Variants in TASP1 observed in about 807,000 individuals in gnomAD.
TASP1 encodes the protein taspase 1.
Under a neutral mutation model 56.6 loss-of-function variants are expected in TASP1, and 16 were observed. The observed-to-expected ratio is 0.28, with a 90% CI of 0.19 to 0.43. The LOEUF (loss-of-function observed/expected upper bound fraction) is 0.43. TASP1 is among the 20% of genes least tolerant of loss of function. The pLI, the probability that TASP1 is intolerant of heterozygous loss-of-function variation, is 1.00. For synonymous variants in TASP1, 179 were observed against 184.2 expected (o/e 0.97, Z 0.23); for missense variants, 393 against 511.6 (o/e 0.77, Z 2.24).
At chr20:13,385,083 G>C (rs1478645701), downstream of TASP1, among the ~76,000 whole-genome samples, 2 of 152,200 alleles carry the variant, frequency 1.3e-5, no homozygotes, top group African/African-American at 2.4e-5. Flanking sequence ...ATTATGTTAT[G>C]AACAGCCAGA....
the TASP1 span, among the ~76,000 whole-genome samples, chr20:13,256,534 T>G: frequency 1.3e-5 from 2 of 152,042 alleles, no homozygotes; most frequent in African/African-American, 4.8e-5. Context: ...TGTATTTTAA[T>G]AGGGGATCAT....
At chr20:13,205,705 A>G in the TASP1 span, among the ~76,000 whole-genome samples, 1 of 152,144 alleles carries the variant, frequency 6.6e-6, no homozygotes, top group Non-Finnish European at 1.5e-5. Context: ...TCCGAATGCC[A>G]TCACATTGGG....
At chr20:13,387,018 C>T (rs1025229801), downstream of TASP1, among the ~76,000 whole-genome samples, 1 of 152,002 alleles carries the variant, frequency 6.6e-6, no homozygotes, top group African/African-American at 2.4e-5. Context: ...ACCTTCCTCT[C>T]ACCCTCCACT....
At chr20:13,269,029 C>T in the TASP1 span, among the ~76,000 whole-genome samples, 3 of 152,164 alleles carry the variant, frequency 2.0e-5, no homozygotes, top group Non-Finnish European at 4.4e-5. Context: ...ACCTTGGGCG[C>T]TCAGAGTCAT....
the TASP1 span, among the ~76,000 whole-genome samples, chr20:13,221,387 C>G: frequency 6.8e-6 from 1 of 147,788 alleles, no homozygotes; most frequent in Non-Finnish European, 1.5e-5. Flanking sequence ...CGCCCCGCCG[C>G]CGACCCCGCA....
chr20:13,263,233 C>T, the TASP1 span, among the ~76,000 whole-genome samples: 2 of 152,164 alleles, frequency 1.3e-5, no homozygotes, highest in African/African-American at 4.8e-5. Context: ...ATGAGAGCAG[C>T]AGCTGGTCAG....
chr20:13,478,186 T>G (rs2043008549), intron 11 of TASP1, among the ~76,000 whole-genome samples: 1 of 152,106 alleles, frequency 6.6e-6, no homozygotes, highest in African/African-American at 2.4e-5. Flanking sequence ...ATTCACAGTC[T>G]GGAACCGCAA....
intron 8 of TASP1, among the ~76,000 whole-genome samples, chr20:13,546,227 C>T (rs762220391): frequency 6.1e-4 from 92 of 151,516 alleles, no homozygotes; most frequent in African/African-American, 7.5e-4. Flanking sequence ...TTAAAGACTG[C>T]AAGAAGCCAT....
Position 13,490,198 on chromosome 20 carries a change from G to A in TASP1, c.875-6861C>T, listed in dbSNP as rs561440140. Among the ~76,000 whole-genome samples the A allele has an allele frequency of 1.9e-4, 29 of 152,136 alleles. No individual in the cohort carries two copies. The South Asian group carries it at 5.4e-3, about 28-fold the overall frequency. ...TGACTTTTTTAGGGGGGAAACCCAG[G>A]ATATATTTAATTACTTCCAACTACA... On this transcript the variant is annotated intron_variant, in intron 10 of 13. Coordinates refer to ENST00000337743, the MANE Select transcript of TASP1 (RefSeq NM_017714.3).
At chr20:13,531,216 G>C (rs1461847415) in intron 9 of TASP1, among the ~76,000 whole-genome samples, 1 of 152,094 alleles carries the variant, frequency 6.6e-6, no homozygotes, top group African/African-American at 2.4e-5. Flanking sequence ...ATTTTACAGA[G>C]GTGGAAAGTG....
chr20:13,247,398 C>A, the TASP1 span, among the ~76,000 whole-genome samples: 6 of 152,112 alleles, frequency 3.9e-5, no homozygotes, highest in Admixed American at 3.9e-4. Flanking sequence ...CATGTCTGCC[C>A]ATCTGATGAA....
intron 6 of TASP1, among the ~76,000 whole-genome samples, chr20:13,573,392 T>A (rs1481077747): frequency 6.6e-6 from 1 of 152,184 alleles, no homozygotes; most frequent in Non-Finnish European, 1.5e-5. Context: ...ATCCCCCAGC[T>A]CCTTGATCTT....
chr20:13,281,840 T>C, the TASP1 span, among the ~76,000 whole-genome samples: 59,185 of 152,076 alleles, frequency 0.39, 14,277 homozygotes, highest in African/African-American at 0.69. Flanking sequence ...GTTGTTTCTA[T>C]GAGTAGAGCT....
intron 10 of TASP1, among the ~76,000 whole-genome samples, chr20:13,520,309 T>C (rs2044695553): frequency 6.6e-6 from 1 of 152,120 alleles, no homozygotes; most frequent in Admixed American, 6.6e-5. Flanking sequence ...GAGCCCACAT[T>C]GCCAAGTCAA....
chr20:13,382,809 G>A, the TASP1 span, among the ~76,000 whole-genome samples: 1 of 152,180 alleles, frequency 6.6e-6, no homozygotes, highest in Non-Finnish European at 1.5e-5. Flanking sequence ...GCTTTGCTAT[G>A]CCATAATTGT....
At chr20:13,221,078 T>TC in the TASP1 span, among the ~76,000 whole-genome samples, 1 of 151,988 alleles carries the variant, frequency 6.6e-6, no homozygotes, top group East Asian at 2.0e-4. Context: ...TCCCCGGGAC[T>TC]CCGAGTGCGG....
intron 8 of TASP1, 30 bp from the exon 9 acceptor site, chr20:13,534,171 C>A: frequency 6.2e-7 from 1 of 1,612,114 alleles, no homozygotes; most frequent in Non-Finnish European, 8.5e-7. Context: ...CAAGTATTCA[C>A]TAGGCATGGA....
At chr20:13,591,458 CAAACT>C (rs2047529127) in intron 4 of TASP1, among the ~76,000 whole-genome samples, 1 of 151,962 alleles carries the variant, frequency 6.6e-6, no homozygotes, top group Admixed American at 6.6e-5. Context: ...AGAGAGGAAA[CAAACT>C]AAAAACTGAG....
At chr20:13,349,879 G>A in the TASP1 span, among the ~76,000 whole-genome samples, 6 of 152,174 alleles carry the variant, frequency 3.9e-5, no homozygotes, top group African/African-American at 1.4e-4. Flanking sequence ...GTCTGGACAT[G>A]GTAGCTCACA....
Sources: gnomAD v4.1 joint callset for allele counts (sites outside exome capture counted in the v4.1 genomes callset) on GRCh38, gnomAD v4.1.1 for gene constraint, MANE v1.5 for transcripts, NCBI Gene and HGNC (gene_info 2026-07-23, HGNC 2026-07-21) for gene names.